Variants in PPP6R3 observed in about 807,000 individuals in gnomAD.
PPP6R3 encodes the protein protein phosphatase 6 regulatory subunit 3, also known as serine/threonine-protein phosphatase 6 regulatory subunit 3.
A neutral mutation model predicts 110.7 loss-of-function variants in PPP6R3; 38 were observed. The ratio of observed to expected loss-of-function variants is 0.34; its 90% CI spans 0.26 to 0.45. The LOEUF (loss-of-function observed/expected upper bound fraction) is 0.45, where lower values mean the gene tolerates loss of function less well. Ranked by LOEUF, PPP6R3 falls within the 20% of genes least tolerant of loss-of-function variation. The probability of loss-of-function intolerance (pLI) is 1.00; values close to 1 mark genes in which losing one functional copy is unlikely to be tolerated. For synonymous variants in PPP6R3, 369 were observed against 373.5 expected (o/e 0.99, Z 0.14); for missense variants, 870 against 1,062.4 (o/e 0.82, Z 2.52).
At chr11:68,527,787 T>C (rs2099208092) in intron 2 of PPP6R3, among the ~76,000 whole-genome samples, 2 of 152,348 alleles carry the variant, frequency 1.3e-5, no homozygotes, top group South Asian at 4.1e-4. Context: ...GTTGCCAACC[T>C]AATCCTACCA....
intron 22 of PPP6R3, among the ~76,000 whole-genome samples, chr11:68,604,814 A>C (rs1448741479): frequency 2.0e-5 from 3 of 152,222 alleles, no homozygotes; most frequent in Non-Finnish European, 4.4e-5. Context: ...AATATATTGA[A>C]GACCTGAATA....
chr11:68,534,220 A>G (rs2099257362), intron 2 of PPP6R3, among the ~76,000 whole-genome samples: 1 of 152,200 alleles, frequency 6.6e-6, no homozygotes, highest in Non-Finnish European at 1.5e-5. Flanking sequence ...GGGTGGATTC[A>G]GGAGACTGCA....
rs1179617745 is a variant in PPP6R3 at position 68,477,741 on chromosome 11, A to AATATATATATATATAT, written c.-158+16930_-158+16945dup. ...GACATTGTCTCTTAAAAAAAAAAAAAATATATATATATATATATATATATA... is the reference window on the plus strand; with the variant it reads ...GACATTGTCTCTTAAAAAAAAAAAAAATATATATATATATATATATATATATATATATATATATATA... On this transcript the variant is annotated intron_variant, in intron 1 of 23. Transcript: ENST00000393800. Among the ~76,000 whole-genome samples, 48 of 57,882 alleles carry AATATATATATATATAT rather than the reference A, an allele frequency of 8.3e-4. 1 individual carries two copies. The highest frequency in any genetic ancestry group is 2.3e-3 in the African/African-American group (32 of 14,030). The allele number at this position is 57,882 out of a possible 152,430, so 38.0% of individuals were successfully genotyped here.
intron 1 of PPP6R3, among the ~76,000 whole-genome samples, chr11:68,477,090 G>T (rs11228251): frequency 0.32 from 48,424 of 151,880 alleles, 8,744 homozygotes; most frequent in African/African-American, 0.48. Context: ...TCTTTGAAAT[G>T]TGTTGAGGCT....
chr11:68,604,249 T>G (rs1273608320), intron 22 of PPP6R3, among the ~76,000 whole-genome samples: 2 of 152,238 alleles, frequency 1.3e-5, no homozygotes, highest in Non-Finnish European at 2.9e-5. Context: ...TATTTTAAAG[T>G]CATGACCAAG....
At chr11:68,546,869 C>T (rs546108507) in intron 4 of PPP6R3, among the ~76,000 whole-genome samples, 2 of 152,240 alleles carry the variant, frequency 1.3e-5, no homozygotes, top group African/African-American at 2.4e-5. Context: ...CACTGAATTA[C>T]GGAATACTTG....
chr11:68,461,098 C>G (rs2098701717), intron 1 of PPP6R3, among the ~76,000 whole-genome samples: 1 of 151,116 alleles, frequency 6.6e-6, no homozygotes, highest in Admixed American at 6.6e-5. Context: ...CGACTTTGTG[C>G]CTCGTTGACG....
At chr11:68,612,989 G>C (rs771808950) in intron 23 of PPP6R3, 77 bp from the exon 24 acceptor site, 9 of 1,609,036 alleles carry the variant, frequency 5.6e-6, no homozygotes, top group Non-Finnish European at 7.6e-6. Flanking sequence ...CCCTGCCCTT[G>C]GGGAGCTCAG....
chr11:68,529,156 T>C (rs2099220733), intron 2 of PPP6R3, among the ~76,000 whole-genome samples: 1 of 152,206 alleles, frequency 6.6e-6, no homozygotes, highest in African/African-American at 2.4e-5. Flanking sequence ...CTTCTGAAAA[T>C]ATATTTTGAA....
chr11:68,549,408 G>A (rs2099362077), intron 5 of PPP6R3, among the ~76,000 whole-genome samples: 1 of 152,192 alleles, frequency 6.6e-6, no homozygotes, highest in Non-Finnish European at 1.5e-5. Context: ...CAGTGAGGTA[G>A]GGAGGTGTGC....
intron 8 of PPP6R3, among the ~76,000 whole-genome samples, chr11:68,563,414 A>T (rs1229881212): frequency 6.6e-6 from 1 of 152,128 alleles, no homozygotes; most frequent in South Asian, 2.1e-4. Flanking sequence ...TCTTCGAAGC[A>T]TAGTTATGAT....
intron 1 of PPP6R3, chr11:68,488,779 G>A (rs2098964941): frequency 6.6e-6 from 1 of 152,152 alleles, no homozygotes; most frequent in African/African-American, 2.4e-5. Flanking sequence ...ACAGAAGCTG[G>A]TGATGGTTAA....
intron 1 of PPP6R3, among the ~76,000 whole-genome samples, chr11:68,495,170 C>T: frequency 6.6e-6 from 1 of 152,166 alleles, no homozygotes; most frequent in Non-Finnish European, 1.5e-5. Flanking sequence ...ACTGTCTCTC[C>T]AGCTCAGATT....
chr11:68,530,565 G>C (rs1367507888), intron 2 of PPP6R3, among the ~76,000 whole-genome samples: 1 of 152,232 alleles, frequency 6.6e-6, no homozygotes, highest in Non-Finnish European at 1.5e-5. Context: ...TATGATATCA[G>C]ATATTCACTT....
At chr11:68,605,737 T>C (rs945366119) in intron 22 of PPP6R3, among the ~76,000 whole-genome samples, 3 of 152,146 alleles carry the variant, frequency 2.0e-5, no homozygotes, top group African/African-American at 7.2e-5. Context: ...CTTATATCAA[T>C]GAGAGATAGT....
At chr11:68,510,834 G>A (rs886779109) in intron 1 of PPP6R3, among the ~76,000 whole-genome samples, 2 of 152,200 alleles carry the variant, frequency 1.3e-5, no homozygotes, top group South Asian at 2.1e-4. Flanking sequence ...TCTGAAGACT[G>A]TATTTGAAGG....
At chr11:68,585,102 C>G (rs1453820577) in intron 15 of PPP6R3, among the ~76,000 whole-genome samples, 1 of 152,178 alleles carries the variant, frequency 6.6e-6, no homozygotes, top group Admixed American at 6.5e-5. Flanking sequence ...ACCAGGTAAC[C>G]CAGCCACGTC....
chr11:68,462,919 G>C (rs1274038679), intron 1 of PPP6R3, among the ~76,000 whole-genome samples: 4 of 152,106 alleles, frequency 2.6e-5, no homozygotes, highest in Non-Finnish European at 5.9e-5. Flanking sequence ...GATTGTTTTC[G>C]GTTTAGAACT....
intron 15 of PPP6R3, among the ~76,000 whole-genome samples, chr11:68,584,486 G>C (rs192690334): frequency 3.3e-5 from 5 of 152,254 alleles, no homozygotes; most frequent in Admixed American, 3.3e-4. Flanking sequence ...AAATTATCAA[G>C]GTAATTTTGT....
Sources: gnomAD v4.1 joint callset for allele counts (sites outside exome capture counted in the v4.1 genomes callset) on GRCh38, gnomAD v4.1.1 for gene constraint, MANE v1.5 for transcripts, NCBI Gene and HGNC (gene_info 2026-07-23, HGNC 2026-07-21) for gene names.